ASPRV1: variants seen among roughly 807,000 people sequenced by gnomAD.
ASPRV1 encodes aspartic peptidase retroviral like 1, also known as retroviral-like aspartic protease 1.
ASPRV1 carries 7 observed loss-of-function variants against 11.0 expected under a neutral mutation model. That is an observed-to-expected ratio of 0.64 (90% CI 0.36 to 1.20). ASPRV1 has a LOEUF of 1.20. Among genes scored for constraint, ASPRV1 ranks in the 50% most tolerant of loss-of-function variants. The pLI, the probability that ASPRV1 is intolerant of heterozygous loss-of-function variation, is 0.02. For synonymous variants in ASPRV1, 136 were observed against 138.4 expected, an observed-to-expected ratio of 0.98 and a Z score of 0.12; for missense variants, 299 against 320.0, an observed-to-expected ratio of 0.93 and a Z score of 0.50.
the ASPRV1 span, chr2:70,011,792 A>G: frequency 6.6e-6 from 1 of 152,454 alleles, no homozygotes; most frequent in Non-Finnish European, 1.5e-5. Context: ...AAATAAGATC[A>G]TCCAGGGAAA....
upstream of ASPRV1, chr2:69,963,290 G>A: frequency 2.2e-6 from 1 of 456,590 alleles, no homozygotes; most frequent in Non-Finnish European, 4.4e-6. Context: ...AAGGTGTTGA[G>A]AGCAGGTGGT....
chr2:70,037,218 T>C, the ASPRV1 span, among the ~76,000 whole-genome samples: 4 of 152,216 alleles, frequency 2.6e-5, no homozygotes, highest in African/African-American at 9.6e-5. Context: ...TCCATCATGA[T>C]AGGTAACCTT....
At chr2:69,961,953 G>C (rs1236893851), upstream of ASPRV1, 1 of 401,156 alleles carries the variant, frequency 2.5e-6, no homozygotes, top group Admixed American at 4.1e-5. Flanking sequence ...GGGAGGCAGG[G>C]ACCAGACGCC....
downstream of ASPRV1, among the ~76,000 whole-genome samples, chr2:69,957,632 C>T (rs901917245): frequency 1.6e-4 from 24 of 151,590 alleles, no homozygotes; most frequent in African/African-American, 4.8e-4. Flanking sequence ...CAGATTCTGG[C>T]GCTGGTCTGG....
chr2:70,041,442 G>A, the ASPRV1 span, among the ~76,000 whole-genome samples: 17 of 152,110 alleles, frequency 1.1e-4, no homozygotes, highest in African/African-American at 1.9e-4. Context: ...CCTGCCCACA[G>A]AGCATGAGCT....
the ASPRV1 span, among the ~76,000 whole-genome samples, chr2:70,051,721 C>T: frequency 6.6e-6 from 1 of 152,074 alleles, no homozygotes; most frequent in Non-Finnish European, 1.5e-5. Context: ...CACCTGTAAT[C>T]CCAGCACTTT....
At chr2:70,024,693 T>C in the ASPRV1 span, among the ~76,000 whole-genome samples, 32 of 152,242 alleles carry the variant, frequency 2.1e-4, no homozygotes, top group African/African-American at 3.4e-4. Flanking sequence ...TGGAAGACAG[T>C]TGTAGCTCCA....
chr2:70,000,336 C>CA, the ASPRV1 span, among the ~76,000 whole-genome samples: 12,323 of 124,162 alleles, frequency 0.099, 947 homozygotes, highest in African/African-American at 0.21. Context: ...AAAAAAAAAA[C>CA]CACACACACA....
the ASPRV1 span, among the ~76,000 whole-genome samples, chr2:70,082,875 C>CA: frequency 6.6e-6 from 1 of 151,986 alleles, no homozygotes; most frequent in Non-Finnish European, 1.5e-5. Context: ...GCATGGGTGA[C>CA]AGAGCAAGAC....
downstream of ASPRV1, among the ~76,000 whole-genome samples, chr2:69,957,068 C>T (rs1254978152): frequency 6.6e-6 from 1 of 152,134 alleles, no homozygotes. Flanking sequence ...TGGGGGCCAA[C>T]AATGTTCTTG....
At chr2:70,028,997 A>C in the ASPRV1 span, among the ~76,000 whole-genome samples, 1 of 152,166 alleles carries the variant, frequency 6.6e-6, no homozygotes, top group Non-Finnish European at 1.5e-5. Context: ...CCTGGCACCT[A>C]AACTTCCACC....
rs766580374 is a variant in ASPRV1, at chr2:69,960,971, C to CA, written c.465dup (p.Glu156Ter). 28 of 1,613,994 alleles carry CA rather than the reference C, an allele frequency of 1.7e-5. No individual in the cohort carries two copies. The South Asian group carries it at 3.1e-4, about 18-fold the overall frequency. On this transcript the variant is annotated frameshift_variant, in exon 1 of 1. Transcript: ENST00000320256. LOFTEE classifies it high-confidence loss of function. ...CCATTGGCCACCTTTACCACATTCT[C>CA]AAAGGGCTGCAGGGTGTCCAGATCG...
chr2:70,064,332 T>C, the ASPRV1 span, among the ~76,000 whole-genome samples: 1 of 152,144 alleles, frequency 6.6e-6, no homozygotes, highest in East Asian at 1.9e-4. Context: ...TCAAAGGTCC[T>C]TCTAGCCACT....
At chr2:69,964,685 A>G, upstream of ASPRV1, 1 of 192,546 alleles carries the variant, frequency 5.2e-6, no homozygotes, top group East Asian at 1.4e-4. Context: ...TCCTGGGTGT[A>G]CCCTGAAGCA....
At chr2:70,019,415 A>G in the ASPRV1 span, among the ~76,000 whole-genome samples, 27 of 152,362 alleles carry the variant, frequency 1.8e-4, no homozygotes, top group African/African-American at 6.5e-4. Context: ...TACTGGGCAT[A>G]TATCTAAGGG....
At chr2:70,007,968 T>C in the ASPRV1 span, among the ~76,000 whole-genome samples, 2 of 152,222 alleles carry the variant, frequency 1.3e-5, no homozygotes, top group South Asian at 2.1e-4. Context: ...CCCGAGTAGC[T>C]GGGACTACAG....
the ASPRV1 span, among the ~76,000 whole-genome samples, chr2:69,984,767 C>T: frequency 5.9e-5 from 9 of 151,632 alleles, no homozygotes; most frequent in African/African-American, 1.9e-4. Flanking sequence ...ATTGCAGCCG[C>T]CTGGCACCAC....
chr2:70,024,458 G>A, the ASPRV1 span, among the ~76,000 whole-genome samples: 3 of 152,116 alleles, frequency 2.0e-5, no homozygotes, highest in African/African-American at 2.4e-5. Flanking sequence ...GAGAGGGGCC[G>A]GTACTGCCTT....
chr2:70,031,783 T>G, the ASPRV1 span: 1 of 152,254 alleles, frequency 6.6e-6, no homozygotes, highest in Non-Finnish European at 1.5e-5. Context: ...ATCCAGGTGC[T>G]CCAAAGATGT....
Sources: allele counts gnomAD v4.1 joint callset (sites outside exome capture counted in the v4.1 genomes callset), GRCh38; gene constraint gnomAD v4.1.1; transcripts MANE v1.5; gene names NCBI Gene and HGNC (gene_info 2026-07-23, HGNC 2026-07-21).